The following PNPLA8 variants were observed in gnomAD, a reference collection of about 807,000 sequenced individuals.
The protein encoded by PNPLA8 is calcium-independent phospholipase A2-gamma.
A neutral mutation model predicts 76.9 loss-of-function variants in PNPLA8; 39 were observed. The ratio of observed to expected loss-of-function variants is 0.51; its 90% CI spans 0.39 to 0.66. PNPLA8 has a LOEUF of 0.66. Among genes scored for constraint, PNPLA8 ranks in the 30% least tolerant of loss-of-function variants. The pLI, the probability that PNPLA8 is intolerant of heterozygous loss-of-function variation, is 0.00. For synonymous variants in PNPLA8, 301 were observed against 307.9 expected, an observed-to-expected ratio of 0.98 and a Z score of 0.24; for missense variants, 887 against 918.0, an observed-to-expected ratio of 0.97 and a Z score of 0.44.
At chr7:108,503,395 G>A (rs1371025464) in intron 4 of PNPLA8, among the ~76,000 whole-genome samples, 2 of 152,100 alleles carry the variant, frequency 1.3e-5, no homozygotes, top group African/African-American at 4.8e-5. Flanking sequence ...ATTTTCCTAG[G>A]TATCACTCAT....
chr7:108,492,793 C>G (rs1209337442), intron 7 of PNPLA8, among the ~76,000 whole-genome samples: 2 of 152,238 alleles, frequency 1.3e-5, no homozygotes, highest in African/African-American at 2.4e-5. Context: ...ATTAACAATA[C>G]TGGCACCCAG....
intron 5 of PNPLA8, among the ~76,000 whole-genome samples, chr7:108,500,909 C>A: frequency 6.7e-6 from 1 of 149,448 alleles, no homozygotes; most frequent in East Asian, 2.0e-4. Flanking sequence ...AGCAAAACTC[C>A]GTCTCAAAAA....
At chr7:108,499,295 T>C (rs40848) in intron 5 of PNPLA8, among the ~76,000 whole-genome samples, 63,408 of 152,038 alleles carry the variant, frequency 0.42, 14,619 homozygotes, top group African/African-American at 0.62. Flanking sequence ...CTCGTATAAT[T>C]GGGAAACTTA....
intron 10 of PNPLA8, among the ~76,000 whole-genome samples, chr7:108,478,342 G>T (rs1478630091): frequency 1.3e-5 from 2 of 151,946 alleles, no homozygotes; most frequent in Non-Finnish European, 2.9e-5. Flanking sequence ...TGTAGAGAAG[G>T]TACACACTTG....
At chr7:108,486,970 A>G (rs1054684670) in intron 9 of PNPLA8, among the ~76,000 whole-genome samples, 1 of 152,158 alleles carries the variant, frequency 6.6e-6, no homozygotes. Context: ...ATAAAAAATT[A>G]TATATAAAAA....
intron 10 of PNPLA8, among the ~76,000 whole-genome samples, chr7:108,472,965 T>C (rs1271504334): frequency 6.6e-6 from 1 of 152,208 alleles, no homozygotes; most frequent in Admixed American, 6.5e-5. Context: ...CCTTTCCAAC[T>C]TTCCTTTTTT....
At chr7:108,501,507 T>A (rs1241664715) in intron 5 of PNPLA8, among the ~76,000 whole-genome samples, 2 of 152,156 alleles carry the variant, frequency 1.3e-5, no homozygotes, top group African/African-American at 4.8e-5. Flanking sequence ...CTAGTTGATA[T>A]ATATGGGTAA....
chr7:108,505,538 T>C (rs1862358014), intron 4 of PNPLA8, among the ~76,000 whole-genome samples: 1 of 150,350 alleles, frequency 6.7e-6, no homozygotes, highest in South Asian at 2.1e-4. Flanking sequence ...AATTTTTGTA[T>C]TTTTAGTAGA....
At chr7:108,505,816 C>T (rs914637412) in intron 4 of PNPLA8, among the ~76,000 whole-genome samples, 5 of 152,020 alleles carry the variant, frequency 3.3e-5, no homozygotes, top group Admixed American at 1.3e-4. Context: ...AATAGGAGAA[C>T]GATTTGTAAG....
At chr7:108,511,983 C>A (rs190720386) in intron 4 of PNPLA8, among the ~76,000 whole-genome samples, 1 of 152,260 alleles carries the variant, frequency 6.6e-6, no homozygotes, top group African/African-American at 2.4e-5. Context: ...TGCAATCGGA[C>A]AGGATAAACA....
At chr7:108,496,439 CTAAT>C (rs1409803863) in intron 7 of PNPLA8, 141 bp downstream of exon 7, 10 of 534,012 alleles carry the variant, frequency 1.9e-5, no homozygotes, top group Admixed American at 8.5e-5. Context: ...GTGGTTATCT[CTAAT>C]TAGTCAAATA....
chr7:108,484,629 G>A (rs758765752), intron 9 of PNPLA8, among the ~76,000 whole-genome samples: 23 of 151,940 alleles, frequency 1.5e-4, no homozygotes, highest in Admixed American at 3.3e-4. Flanking sequence ...CCTAATCAAT[G>A]ACCCATTTTT....
intron 10 of PNPLA8, among the ~76,000 whole-genome samples, chr7:108,476,534 T>C (rs1167592389): frequency 1.3e-5 from 2 of 152,200 alleles, no homozygotes. Flanking sequence ...GTAAACTGTT[T>C]ATAGGAATGT....
chr7:108,479,879 C>G (rs892817174), intron 9 of PNPLA8, among the ~76,000 whole-genome samples: 1 of 151,976 alleles, frequency 6.6e-6, no homozygotes, highest in East Asian at 1.9e-4. Context: ...CCTTATATTT[C>G]TAAGTATGTA....
upstream of PNPLA8, chr7:108,527,901 A>G (rs925884841): frequency 6.6e-6 from 1 of 152,220 alleles, no homozygotes; most frequent in Non-Finnish European, 1.5e-5. Context: ...AGAGAGCACC[A>G]CCATTCCCTC....
chr7:108,496,244 A>G (rs945332572), intron 7 of PNPLA8, among the ~76,000 whole-genome samples: 3 of 152,170 alleles, frequency 2.0e-5, no homozygotes, highest in Non-Finnish European at 2.9e-5. Context: ...TCGAAAAACA[A>G]ATAAAAATAA....
chr7:108,472,440 A>T lies in PNPLA8; in HGVS notation c.2310T>A (p.Thr770=). ...AGAATGGAAGTCCTTCATACATATC[A>T]GTTTTTAATTTTATCCAATCATTAA... is the stretch of plus-strand genomic sequence containing the variant. ...QKINDWIKLK[T]DMYEGLPFFS... The change falls in exon 11 of 11, where the codon ACT becomes ACA. Residue 770 remains threonine (T), a synonymous_variant. Transcript: ENST00000257694. 6.3e-7 allele frequency: 1 copy of T among 1,593,972 alleles called. No individual in the cohort carries two copies. The highest frequency in any genetic ancestry group is 8.6e-7 in the Non-Finnish European group (1 of 1,168,676).
intron 10 of PNPLA8, among the ~76,000 whole-genome samples, chr7:108,476,680 G>A (rs1860017616): frequency 6.6e-6 from 1 of 152,174 alleles, no homozygotes. Flanking sequence ...AGGGATTGCT[G>A]CTCACCCATG....
intron 9 of PNPLA8, among the ~76,000 whole-genome samples, chr7:108,479,820 A>G (rs1416009377): frequency 6.6e-6 from 1 of 152,238 alleles, no homozygotes; most frequent in African/African-American, 2.4e-5. Context: ...TACAATTTCA[A>G]TGGATCACAT....
Sources: gnomAD v4.1 joint callset for allele counts (sites outside exome capture counted in the v4.1 genomes callset) on GRCh38, gnomAD v4.1.1 for gene constraint, MANE v1.5 for transcripts, NCBI Gene and HGNC (gene_info 2026-07-23, HGNC 2026-07-21) for gene names.